The following RAB11FIP2 variants were observed in gnomAD, a reference collection of about 807,000 sequenced individuals.
RAB11FIP2 encodes the protein RAB11 family interacting protein 2.
RAB11FIP2 carries 16 observed loss-of-function variants against 40.9 expected under a neutral mutation model. That is an observed-to-expected ratio of 0.39 (90% CI 0.26 to 0.59). The LOEUF (loss-of-function observed/expected upper bound fraction) is 0.59. Among genes scored for constraint, RAB11FIP2 ranks in the 20% least tolerant of loss-of-function variants. RAB11FIP2 has a pLI of 0.53. For synonymous variants in RAB11FIP2, 228 were observed against 213.7 expected (o/e 1.07, Z -0.58); for missense variants, 532 against 606.2 (o/e 0.88, Z 1.28).
intron 3 of RAB11FIP2, among the ~76,000 whole-genome samples, chr10:118,038,335 T>C (rs1313638132): frequency 1.3e-5 from 2 of 151,754 alleles, no homozygotes; most frequent in Admixed American, 1.3e-4. Context: ...AGCACCATTA[T>C]ATATATAACT....
At chr10:118,040,654 G>GT in intron 1 of RAB11FIP2, 89 bp from the exon 2 acceptor site, 2 of 944,088 alleles carry the variant, frequency 2.1e-6, no homozygotes, top group South Asian at 3.6e-5. Context: ...TTTAGGTAAA[G>GT]TAACTATACA....
chr10:118,021,565 G>C (rs538482091), intron 3 of RAB11FIP2, among the ~76,000 whole-genome samples: 4 of 152,288 alleles, frequency 2.6e-5, no homozygotes, highest in African/African-American at 7.2e-5. Flanking sequence ...ACCCTACCAA[G>C]TAGCCCTTGC....
At chr10:118,009,313 T>C in intron 4 of RAB11FIP2, 88 bp from the exon 5 acceptor site, 1 of 1,271,742 alleles carries the variant, frequency 7.9e-7, no homozygotes, top group Non-Finnish European at 1.1e-6. Context: ...TTTTTGTTTT[T>C]CAAACCCTGA....
chr10:118,019,098 T>C (rs1399500057), intron 3 of RAB11FIP2, among the ~76,000 whole-genome samples: 1 of 152,030 alleles, frequency 6.6e-6, no homozygotes, highest in Non-Finnish European at 1.5e-5. Context: ...ATGTAAACCA[T>C]AAATTCCTGG....
chr10:118,035,120 T>A (rs1182549338), intron 3 of RAB11FIP2, among the ~76,000 whole-genome samples: 1 of 152,142 alleles, frequency 6.6e-6, no homozygotes, highest in South Asian at 2.1e-4. Context: ...ATGTGTTAAA[T>A]GGTGGCATCA....
chr10:118,011,376 A>G (rs1015565189), intron 4 of RAB11FIP2, among the ~76,000 whole-genome samples: 2 of 151,572 alleles, frequency 1.3e-5, no homozygotes, highest in African/African-American at 4.9e-5. Flanking sequence ...ATCTTTTATA[A>G]GTCTACACAC....
intron 3 of RAB11FIP2, among the ~76,000 whole-genome samples, chr10:118,025,238 T>C (rs753756905): frequency 5.9e-5 from 9 of 152,178 alleles, no homozygotes; most frequent in Non-Finnish European, 1.0e-4. Context: ...TTATTAGAAA[T>C]TGTACATTAT....
chr10:118,036,694 TG>T (rs1231990325), intron 3 of RAB11FIP2, among the ~76,000 whole-genome samples: 1 of 152,148 alleles, frequency 6.6e-6, no homozygotes, highest in Non-Finnish European at 1.5e-5. Flanking sequence ...AATCCACAAA[TG>T]TTCTGTCCTC....
At chr10:118,039,499 C>A in intron 2 of RAB11FIP2, 59 bp from the exon 3 acceptor site, 1 of 1,409,090 alleles carries the variant, frequency 7.1e-7, no homozygotes, top group Non-Finnish European at 9.8e-7. Flanking sequence ...CACTATTTGA[C>A]ACAGTCTGTG....
chr10:118,038,898 T>C, intron 3 of RAB11FIP2, 74 bp downstream of exon 3: 1 of 976,072 alleles, frequency 1.0e-6, no homozygotes, highest in Non-Finnish European at 1.5e-6. Context: ...TATTCTAGCA[T>C]TTAAAAGAAA....
At chr10:118,028,907 A>G (rs146827581) in intron 3 of RAB11FIP2, among the ~76,000 whole-genome samples, 2,298 of 152,196 alleles carry the variant, frequency 0.015, 22 homozygotes, top group African/African-American at 0.022. Flanking sequence ...TTTCAGTGCT[A>G]AAAAACAAAC....
At chr10:118,033,426 C>A (rs967574556) in intron 3 of RAB11FIP2, among the ~76,000 whole-genome samples, 5 of 152,102 alleles carry the variant, frequency 3.3e-5, no homozygotes, top group African/African-American at 1.2e-4. Flanking sequence ...GAAGCTTACA[C>A]AGCTTAATAT....
intron 3 of RAB11FIP2, among the ~76,000 whole-genome samples, chr10:118,029,066 T>G (rs147925801): frequency 3.9e-5 from 6 of 152,098 alleles, no homozygotes; most frequent in African/African-American, 9.6e-5. Context: ...CTATCAAGAC[T>G]ACAATCCCAA....
At chr10:118,011,391 G>GCGCACA (rs144517584) in intron 4 of RAB11FIP2, among the ~76,000 whole-genome samples, 1,744 of 149,944 alleles carry the variant, frequency 0.012, 27 homozygotes, top group African/African-American at 0.041. Flanking sequence ...ACACACATGC[G>GCGCACA]CACACACACA....
intron 3 of RAB11FIP2, among the ~76,000 whole-genome samples, chr10:118,038,469 C>T (rs1011055369): frequency 6.6e-6 from 1 of 152,018 alleles, no homozygotes; most frequent in Non-Finnish European, 1.5e-5. Context: ...CAATAACAAG[C>T]ATTCTCAAAT....
At chr10:118,014,711 C>CA (rs1364343493) in intron 4 of RAB11FIP2, among the ~76,000 whole-genome samples, 1 of 151,988 alleles carries the variant, frequency 6.6e-6, no homozygotes, top group Non-Finnish European at 1.5e-5. Flanking sequence ...CCAACAACAA[C>CA]AAAAAATAGT....
At position 118,044,633 on chromosome 10, in the gene RAB11FIP2, C is replaced by T. The variant is rs556344309; in HGVS notation, c.353+1178G>A. Among the ~76,000 whole-genome samples the T allele has an allele frequency of 2.2e-3, 332 of 152,116 alleles. 1 individual carries two copies. The highest frequency in any genetic ancestry group is 7.7e-3 in the African/African-American group (319 of 41,510). On this transcript the variant is annotated intron_variant, in intron 1 of 4. Coordinates refer to ENST00000355624, the MANE Select transcript of RAB11FIP2 (RefSeq NM_014904.3). ...CTGATCTCTCTACACTTTTACTCCA[C>T]ATATATTAAATCTTAGGTTAAGACC...
intron 3 of RAB11FIP2, among the ~76,000 whole-genome samples, chr10:118,035,497 G>A (rs555631747): frequency 6.6e-6 from 1 of 152,236 alleles, no homozygotes; most frequent in South Asian, 2.1e-4. Context: ...CTGGAAGTAG[G>A]AGGCTAACGG....
intron 3 of RAB11FIP2, among the ~76,000 whole-genome samples, chr10:118,022,102 C>G (rs528779790): frequency 6.8e-4 from 104 of 152,354 alleles, no homozygotes; most frequent in Non-Finnish European, 9.3e-4. Context: ...TACCACCAAT[C>G]TCCTGCGCAC....
Sources: allele counts gnomAD v4.1 joint callset (sites outside exome capture counted in the v4.1 genomes callset), GRCh38; gene constraint gnomAD v4.1.1; transcripts MANE v1.5; gene names NCBI Gene and HGNC (gene_info 2026-07-23, HGNC 2026-07-21).